PCDHGA7: variants seen among roughly 807,000 people sequenced by gnomAD.
PCDHGA7 encodes protocadherin gamma subfamily A, 7.
PCDHGA7 carries 44 observed loss-of-function variants against 58.3 expected under a neutral mutation model. The observed-to-expected ratio is 0.75, with a 90% CI of 0.59 to 0.97. The LOEUF (loss-of-function observed/expected upper bound fraction) is 0.97, where lower values mean the gene tolerates loss of function less well. Among genes scored for constraint, PCDHGA7 ranks in the 50% least tolerant of loss-of-function variants. The pLI is 0.00. For missense variants in PCDHGA7, 1,266 were observed against 1,188.7 expected (o/e 1.06, Z -0.96); for synonymous variants, 516 against 504.2 (o/e 1.02, Z -0.31).
intron 1 of PCDHGA7, among the ~76,000 whole-genome samples, chr5:141,454,796 A>ATTTTTTTTTTTTTTTTTTTTTT (rs61612330): frequency 5.2e-5 from 4 of 77,456 alleles, no homozygotes; most frequent in Non-Finnish European, 7.0e-5. Context: ...CATGGTTCTA[A>ATTTTTTTTTTTTTTTTTTTTTT]TTTTTTTTTT....
intron 1 of PCDHGA7, chr5:141,427,834 C>A: frequency 6.5e-7 from 1 of 1,542,566 alleles, no homozygotes; most frequent in Non-Finnish European, 8.9e-7. Flanking sequence ...GCGCAGCGTG[C>A]CTTCGACCAC....
chr5:141,390,290 C>T (rs1344237469), intron 1 of PCDHGA7: 1 of 1,613,806 alleles, frequency 6.2e-7, no homozygotes, highest in Admixed American at 1.7e-5. Flanking sequence ...AGGTGAGTTT[C>T]CTTTAAGTAT....
rs543366398 is a variant in PCDHGA7 at position 141,390,062 on chromosome 5, G to A, written c.2424+4739G>A. On this transcript the variant is annotated intron_variant, in intron 1 of 3. Coordinates refer to ENST00000518325, the MANE Select transcript of PCDHGA7 (RefSeq NM_018920.4). ...GCCCCGCCTCCTGGAGCTGCTTCCAGCCTGGTCTCTGTGTTAAATCCGAAT... is the reference window on the plus strand; with the variant it reads ...GCCCCGCCTCCTGGAGCTGCTTCCAACCTGGTCTCTGTGTTAAATCCGAAT... 101 of 1,614,064 alleles carry A rather than the reference G, an allele frequency of 6.3e-5. 1 individual carries two copies. The Admixed American group carries it at 8.2e-4, about 13-fold the overall frequency.
intron 1 of PCDHGA7, chr5:141,390,432 C>T: frequency 2.0e-6 from 2 of 985,350 alleles, no homozygotes; most frequent in South Asian, 3.4e-5. Context: ...GCTGTCATAT[C>T]ATTCTACAAA....
At chr5:141,404,875 C>A in intron 1 of PCDHGA7, 1 of 1,613,904 alleles carries the variant, frequency 6.2e-7, no homozygotes, top group Non-Finnish European at 8.5e-7. Context: ...TCAAACAGAG[C>A]CTTGTGGTGG....
chr5:141,444,640 G>A (rs192148868), intron 1 of PCDHGA7, among the ~76,000 whole-genome samples: 3 of 152,196 alleles, frequency 2.0e-5, no homozygotes, highest in Non-Finnish European at 2.9e-5. Flanking sequence ...GTTCATTGAG[G>A]TAGGGGTTGA....
chr5:141,420,438 GC>G, intron 1 of PCDHGA7: 1 of 1,107,996 alleles, frequency 9.0e-7, no homozygotes, highest in Non-Finnish European at 1.2e-6. Flanking sequence ...TAAATTAAAT[GC>G]CTCAGTCTTC....
At chr5:141,419,723 C>A in intron 1 of PCDHGA7, 6 of 1,613,292 alleles carry the variant, frequency 3.7e-6, no homozygotes, top group Non-Finnish European at 5.1e-6. Flanking sequence ...CCTGGGGCTG[C>A]GAACAGGCGA....
intron 1 of PCDHGA7, among the ~76,000 whole-genome samples, chr5:141,484,723 G>T (rs930331672): frequency 1.3e-5 from 2 of 151,930 alleles, no homozygotes; most frequent in Non-Finnish European, 2.9e-5. Flanking sequence ...AAGGGGCGGG[G>T]TCAGTCGGTG....
At chr5:141,390,285 A>T (rs1428739924) in intron 1 of PCDHGA7, 1 of 1,613,968 alleles carries the variant, frequency 6.2e-7, no homozygotes, top group Non-Finnish European at 8.5e-7. Flanking sequence ...CCATCAGGTG[A>T]GTTTCCTTTA....
rs1390441638 is a variant in PCDHGA7, at chr5:141,432,562, C to T, written c.2424+47239C>T. 1.9e-6 allele frequency: 3 copies of T among 1,613,964 alleles called. No individual in the cohort carries two copies. Among genetic ancestry groups the T allele is most frequent in the Non-Finnish European group, 2.5e-6 (3 of 1,180,004 alleles). On this transcript the variant is annotated intron_variant, in intron 1 of 3. Coordinates refer to ENST00000518325, the MANE Select transcript of PCDHGA7 (RefSeq NM_018920.4). This position sits in a 1 kb window ranked among gnomAD's most constrained non-coding sequence, Gnocchi z 6.0. ...CGGTGGACAGAGACTCCGGCCAGAA[C>T]GCCTGGCTGTCCTACCGTCTGCTCA...
At chr5:141,460,453 A>T (rs1487816393) in intron 1 of PCDHGA7, among the ~76,000 whole-genome samples, 3 of 152,152 alleles carry the variant, frequency 2.0e-5, no homozygotes, top group Non-Finnish European at 4.4e-5. Flanking sequence ...ATGAAGATTC[A>T]TATTTTTTTC....
chr5:141,423,327 A>C, intron 1 of PCDHGA7: 1 of 1,614,100 alleles, frequency 6.2e-7, no homozygotes, highest in Non-Finnish European at 8.5e-7. Context: ...CGGTGGCCGC[A>C]GTCTCCTGCA....
chr5:141,445,034 A>T (rs963629240), intron 1 of PCDHGA7, among the ~76,000 whole-genome samples: 4 of 152,156 alleles, frequency 2.6e-5, no homozygotes, highest in Admixed American at 2.0e-4. Context: ...GCTATGTTGT[A>T]TAGTTTTCAG....
intron 1 of PCDHGA7, chr5:141,421,807 G>C (rs1435916603): frequency 6.2e-7 from 1 of 1,613,852 alleles, no homozygotes; most frequent in Admixed American, 1.7e-5. Flanking sequence ...CAAGAATCCA[G>C]AGCTAGTACT....
chr5:141,480,250 A>T (rs2099515553), intron 1 of PCDHGA7, among the ~76,000 whole-genome samples: 2 of 151,988 alleles, frequency 1.3e-5, no homozygotes, highest in African/African-American at 4.8e-5. Context: ...CAAAAAAAAA[A>T]AAAAATGTGT....
intron 1 of PCDHGA7, chr5:141,478,401 T>G: frequency 6.2e-7 from 1 of 1,613,480 alleles, no homozygotes; most frequent in South Asian, 1.1e-5. Context: ...CAGGTGTATC[T>G]CACCACGGAC....
chr5:141,383,193 G>A lies in PCDHGA7; in HGVS notation c.294G>A (p.Gln98=). The change falls in exon 1 of 4, where the codon CAG becomes CAA. Residue 98 remains glutamine, a synonymous_variant. Transcript: ENST00000518325. ...GRIDREEICA[Q]SARCLVNFNI... is the part of the protein sequence containing the mutation. ...TAGACCGGGAAGAGATCTGCGCTCA[G>A]AGTGCGCGGTGTCTGGTAAACTTTA... 1.2e-6 allele frequency: 2 copies of A among 1,614,066 alleles called. No homozygotes were observed. The highest frequency in any genetic ancestry group is 1.7e-6 in the Non-Finnish European group (2 of 1,179,946).
intron 1 of PCDHGA7, chr5:141,423,461 A>G (rs1590478217): frequency 6.2e-7 from 1 of 1,613,982 alleles, no homozygotes; most frequent in Non-Finnish European, 8.5e-7. Context: ...GTAGGCGTGG[A>G]CGGGGTACAG....
Sources: gnomAD v4.1 joint callset for allele counts (sites outside exome capture counted in the v4.1 genomes callset) on GRCh38, gnomAD v4.1.1 for gene constraint, Gnocchi (gnomAD v3.1) non-coding constraint, MANE v1.5 for transcripts, NCBI Gene and HGNC (gene_info 2026-07-23, HGNC 2026-07-21) for gene names.